RGL1: variants seen among roughly 807,000 people sequenced by gnomAD.
RGL1 encodes ral guanine nucleotide dissociation stimulator-like 1.
A neutral mutation model predicts 95.2 loss-of-function variants in RGL1; 24 were observed. That is an observed-to-expected ratio of 0.25 (90% CI 0.18 to 0.35). The LOEUF (loss-of-function observed/expected upper bound fraction) is 0.35. Among genes scored for constraint, RGL1 ranks in the 10% least tolerant of loss-of-function variants. RGL1 has a pLI of 1.00. For synonymous variants in RGL1, 329 were observed against 344.9 expected (o/e 0.95, Z 0.51); for missense variants, 715 against 936.3 (o/e 0.76, Z 3.08).
At position 183,906,860 on chromosome 1, in the gene RGL1, C is replaced by A. The variant is rs901054883; in HGVS notation, c.1473-152C>A. On this transcript the variant is annotated intron_variant, in intron 13 of 17. Transcript: ENST00000360851. Reference sequence around the variant, plus strand: ...TCAAATCGGGCCGTGAAGTCAGTACCCCCTGACGTTTATGATAGGACAACG... The same window carrying A: ...TCAAATCGGGCCGTGAAGTCAGTACACCCTGACGTTTATGATAGGACAACG... 3 of 625,818 alleles carry A rather than the reference C, an allele frequency of 4.8e-6. No individual in the cohort carries two copies. The African/African-American group carries it at 5.5e-5, about 11-fold the overall frequency. 38.8% of individuals were successfully genotyped at this position (625,818 alleles called of 1,614,324 possible).
chr1:183,643,454 G>A (rs1329073917), intron 1 of RGL1, among the ~76,000 whole-genome samples: 3 of 151,894 alleles, frequency 2.0e-5, no homozygotes, highest in African/African-American at 4.8e-5. Flanking sequence ...ACCATGCCTG[G>A]CTAACTTTTT....
chr1:183,867,989 T>G (rs538939322), intron 4 of RGL1, among the ~76,000 whole-genome samples: 13 of 152,320 alleles, frequency 8.5e-5, no homozygotes, highest in Admixed American at 2.6e-4. Flanking sequence ...AAACCAGACA[T>G]ACCAGTGTAG....
rs570850330 is a variant in RGL1 at position 183,702,075 on chromosome 1, A to G, written c.-32-40051A>G. Among the ~76,000 whole-genome samples the G allele has an allele frequency of 1.0e-4, 16 of 152,396 alleles. No homozygotes were observed. In the South Asian group the frequency reaches 3.3e-3, roughly 32 times the overall value. On this transcript the variant is annotated intron_variant, in intron 1 of 18. Coordinates refer to the RGL1 transcript ENST00000304685. ...AACTCTAGCTATGATACCTGACACA[A>G]AAGAAGCCTGAACATTACTTGAAAG... is the stretch of plus-strand genomic sequence containing the variant.
chr1:183,862,102 G>GGGGCTAA (rs1272146782), intron 3 of RGL1, among the ~76,000 whole-genome samples: 1 of 152,156 alleles, frequency 6.6e-6, no homozygotes, highest in Non-Finnish European at 1.5e-5. Flanking sequence ...AGCACTTTGA[G>GGGGCTAA]GGGCTAAGAC....
intron 2 of RGL1, 79 bp from the exon 3 acceptor site, chr1:183,847,487 G>A (rs1664520374): frequency 2.7e-6 from 3 of 1,129,378 alleles, no homozygotes; most frequent in Non-Finnish European, 4.0e-6. Context: ...ACAGGCTATG[G>A]CCTTCAACTA....
chr1:183,681,888 C>A (rs1441008184), intron 1 of RGL1, among the ~76,000 whole-genome samples: 4 of 152,128 alleles, frequency 2.6e-5, no homozygotes, highest in Non-Finnish European at 5.9e-5. Flanking sequence ...TCGACTTCTT[C>A]CTGGTTTAGT....
intron 2 of RGL1, among the ~76,000 whole-genome samples, chr1:183,831,292 A>C (rs1212010044): frequency 6.6e-6 from 1 of 152,176 alleles, no homozygotes; most frequent in Non-Finnish European, 1.5e-5. Flanking sequence ...ACAAATGCAA[A>C]GATCCTTCCA....
Position 183,865,979 on chromosome 1 carries a change from C to T in RGL1, c.348-17C>T, listed in dbSNP as rs1665806004. 3 of 1,599,208 alleles carry T rather than the reference C, an allele frequency of 1.9e-6. No homozygotes were observed. In the African/African-American group the frequency reaches 4.0e-5, roughly 21 times the overall value. ...CACTGACTGTTTTTGCTTGCTTGTT[C>T]ATTATTATCTCTACAGGTATGGAAA... is the stretch of plus-strand genomic sequence containing the variant. On this transcript the variant is annotated splice_polypyrimidine_tract_variant and intron_variant, in intron 3 of 17. Transcript: ENST00000360851.
At chr1:183,709,731 G>C (rs1338559946) in intron 1 of RGL1, 1 of 215,416 alleles carries the variant, frequency 4.6e-6, no homozygotes, top group South Asian at 8.4e-5. Flanking sequence ...TGAATTCGAG[G>C]CTGGTGCTTA....
At chr1:183,826,237 T>C (rs1662846485) in intron 2 of RGL1, among the ~76,000 whole-genome samples, 1 of 152,126 alleles carries the variant, frequency 6.6e-6, no homozygotes, top group Non-Finnish European at 1.5e-5. Flanking sequence ...GTATTTTTAG[T>C]AGAGACGGAC....
At chr1:183,707,087 C>A (rs1654961147) in intron 1 of RGL1, among the ~76,000 whole-genome samples, 1 of 152,154 alleles carries the variant, frequency 6.6e-6, no homozygotes, top group Admixed American at 6.6e-5. Flanking sequence ...TAAGGAGACA[C>A]ACAATCATGT....
chr1:183,795,766 G>A (rs904476324), intron 2 of RGL1, among the ~76,000 whole-genome samples: 1 of 152,232 alleles, frequency 6.6e-6, no homozygotes, highest in Admixed American at 6.5e-5. Context: ...ATAAATTAAA[G>A]TGGGCAGGAA....
intron 1 of RGL1, among the ~76,000 whole-genome samples, chr1:183,666,905 T>A (rs1652078873): frequency 6.6e-6 from 1 of 152,236 alleles, no homozygotes; most frequent in Non-Finnish European, 1.5e-5. Flanking sequence ...CCTTACTGAT[T>A]TTCTGCAGGC....
chr1:183,658,862 A>T (rs1651394219), intron 1 of RGL1, among the ~76,000 whole-genome samples: 1 of 149,786 alleles, frequency 6.7e-6, no homozygotes, highest in Non-Finnish European at 1.5e-5. Context: ...CTGAGACAAA[A>T]CTTCCAGAGG....
chr1:183,778,896 G>A (rs935610777), intron 2 of RGL1, among the ~76,000 whole-genome samples: 21 of 152,196 alleles, frequency 1.4e-4, no homozygotes, highest in African/African-American at 4.3e-4. Context: ...CAAATGGGCC[G>A]TGATAGGTGG....
intron 2 of RGL1, among the ~76,000 whole-genome samples, chr1:183,809,527 C>A (rs1249274020): frequency 6.6e-6 from 1 of 152,188 alleles, no homozygotes; most frequent in Non-Finnish European, 1.5e-5. Flanking sequence ...GAAATACTGA[C>A]CCATTTTCCC....
intron 1 of RGL1, among the ~76,000 whole-genome samples, chr1:183,733,257 C>T (rs1046723158): frequency 6.6e-5 from 10 of 152,054 alleles, no homozygotes; most frequent in Non-Finnish European, 1.5e-4. Context: ...ACTGAATTTA[C>T]TGATAAAAAT....
At chr1:183,856,768 T>C (rs1418711544) in intron 3 of RGL1, among the ~76,000 whole-genome samples, 1 of 151,894 alleles carries the variant, frequency 6.6e-6, no homozygotes, top group African/African-American at 2.4e-5. Flanking sequence ...GAAAAGAGGA[T>C]TGTAAGAAGG....
intron 1 of RGL1, among the ~76,000 whole-genome samples, chr1:183,660,524 TAC>T (rs1651538646): frequency 6.6e-6 from 1 of 151,390 alleles, no homozygotes; most frequent in Admixed American, 6.6e-5. Flanking sequence ...TAAATATATA[TAC>T]ACCCAATACA....
Sources: allele counts gnomAD v4.1 joint callset (sites outside exome capture counted in the v4.1 genomes callset), GRCh38; gene constraint gnomAD v4.1.1; transcripts MANE v1.5; gene names NCBI Gene and HGNC (gene_info 2026-07-23, HGNC 2026-07-21).